Variants in CCDC178 observed in about 807,000 individuals in gnomAD.
CCDC178 encodes coiled-coil domain containing 178.
In CCDC178, 126 loss-of-function variants were observed where a neutral mutation model predicts 117.4. The observed-to-expected ratio is 1.07, with a 90% CI of 0.93 to 1.24. The LOEUF (loss-of-function observed/expected upper bound fraction) is 1.24, where lower values mean the gene tolerates loss of function less well. CCDC178 is among the 50% of genes most tolerant of loss of function. The pLI is 0.00. For missense variants in CCDC178, 1,030 were observed against 986.9 expected (o/e 1.04, Z -0.59); for synonymous variants, 283 against 313.4 (o/e 0.90, Z 1.02).
intron 20 of CCDC178, among the ~76,000 whole-genome samples, chr18:33,145,063 T>C (rs1026993152): frequency 1.1e-4 from 17 of 152,224 alleles, no homozygotes; most frequent in Middle Eastern, 3.2e-3. Context: ...CTTATTTTGA[T>C]GGTCAAGATT....
chr18:33,260,787 T>C (rs1156773018), intron 14 of CCDC178, among the ~76,000 whole-genome samples: 1 of 152,130 alleles, frequency 6.6e-6, no homozygotes, highest in East Asian at 1.9e-4. Context: ...AGACTTTTTT[T>C]TTGTTTTTTT....
At chr18:33,440,330 A>C in intron 1 of CCDC178, 2 of 60,100 alleles carry the variant, frequency 3.3e-5, no homozygotes, top group East Asian at 4.5e-4. Context: ...GGACTGGGGG[A>C]CTGGGGGACT....
At chr18:33,030,439 T>A (rs1223231772) in intron 21 of CCDC178, among the ~76,000 whole-genome samples, 1 of 152,060 alleles carries the variant, frequency 6.6e-6, no homozygotes, top group Non-Finnish European at 1.5e-5. Context: ...GATTAGATTG[T>A]TTAATCCATT....
At chr18:33,285,497 G>C (rs534359247) in intron 12 of CCDC178, among the ~76,000 whole-genome samples, 19 of 152,234 alleles carry the variant, frequency 1.2e-4, no homozygotes, top group African/African-American at 4.6e-4. Flanking sequence ...ATCCTGATAA[G>C]AGCATCTATC....
chr18:33,408,221 T>C (rs1352085049), intron 3 of CCDC178, among the ~76,000 whole-genome samples: 1 of 151,860 alleles, frequency 6.6e-6, no homozygotes, highest in Non-Finnish European at 1.5e-5. Context: ...TATAGAAAAT[T>C]ATAAAGAATG....
intron 7 of CCDC178, among the ~76,000 whole-genome samples, chr18:33,349,300 T>A (rs1299134872): frequency 6.6e-6 from 1 of 151,956 alleles, no homozygotes; most frequent in Non-Finnish European, 1.5e-5. Flanking sequence ...ATAATTTGGA[T>A]GAATGATTTC....
chr18:33,219,622 G>T (rs1322683517), intron 18 of CCDC178, among the ~76,000 whole-genome samples: 1 of 152,128 alleles, frequency 6.6e-6, no homozygotes, highest in East Asian at 1.9e-4. Flanking sequence ...CATGTCCTTT[G>T]TAGGGACATG....
chr18:33,236,067 C>A (rs893358984), intron 15 of CCDC178, among the ~76,000 whole-genome samples: 2 of 152,186 alleles, frequency 1.3e-5, no homozygotes, highest in Non-Finnish European at 2.9e-5. Flanking sequence ...TGGCATTTTA[C>A]AGATGCATTA....
intron 14 of CCDC178, among the ~76,000 whole-genome samples, chr18:33,260,439 T>C (rs1004921984): frequency 8.0e-5 from 12 of 150,780 alleles, no homozygotes; most frequent in African/African-American, 2.4e-4. Flanking sequence ...TTATTTTTGT[T>C]ATTTTATATT....
At chr18:33,302,129 CCT>C (rs1249674298) in intron 11 of CCDC178, among the ~76,000 whole-genome samples, 2 of 152,002 alleles carry the variant, frequency 1.3e-5, no homozygotes, top group African/African-American at 4.8e-5. Context: ...ACACCTCCTC[CCT>C]CTCTCTCTTG....
In CCDC178 at chr18:33,303,369, T is replaced by C. The variant is rs138179790; in HGVS notation, c.1023-10057A>G. Among the ~76,000 whole-genome samples the C allele has an allele frequency of 1.2e-3, 177 of 151,958 alleles. 1 individual carries two copies. Among genetic ancestry groups the C allele is most frequent in the African/African-American group, 4.1e-3 (172 of 41,484 alleles). ...CAAGGAATAAGTAGAGCAAAAAGGATTTTTTTTAAGTAGTACAGTGCAACT... is the reference window on the plus strand; with the variant it reads ...CAAGGAATAAGTAGAGCAAAAAGGACTTTTTTTAAGTAGTACAGTGCAACT... On this transcript the variant is annotated intron_variant, in intron 11 of 22. Coordinates refer to ENST00000383096, the MANE Select transcript of CCDC178 (RefSeq NM_001105528.4).
At chr18:33,302,401 C>A (rs945100025) in intron 11 of CCDC178, among the ~76,000 whole-genome samples, 2 of 152,164 alleles carry the variant, frequency 1.3e-5, no homozygotes, top group Non-Finnish European at 2.9e-5. Context: ...ATAAGGAGCT[C>A]TTCTACACTG....
chr18:33,417,863 C>A (rs1057210687), intron 2 of CCDC178, among the ~76,000 whole-genome samples: 3 of 152,068 alleles, frequency 2.0e-5, no homozygotes, highest in Admixed American at 2.0e-4. Flanking sequence ...AGCCTACCAA[C>A]CAGAAAAAGC....
chr18:32,945,388 C>T (rs1183374745), intron 22 of CCDC178, among the ~76,000 whole-genome samples: 2 of 152,154 alleles, frequency 1.3e-5, no homozygotes, highest in Non-Finnish European at 2.9e-5. Flanking sequence ...TTGCTGATTA[C>T]ATGAAGTTTG....
At chr18:33,395,332 C>T (rs1445926747) in intron 4 of CCDC178, among the ~76,000 whole-genome samples, 2 of 151,748 alleles carry the variant, frequency 1.3e-5, no homozygotes, top group Non-Finnish European at 2.9e-5. Flanking sequence ...GGGCCTATAG[C>T]ACAAAAAATT....
intron 21 of CCDC178, among the ~76,000 whole-genome samples, chr18:33,059,458 C>A (rs537649768): frequency 6.6e-6 from 1 of 152,170 alleles, no homozygotes; most frequent in African/African-American, 2.4e-5. Flanking sequence ...TAGAGGTTTG[C>A]CCTGCAACTT....
intron 3 of CCDC178, among the ~76,000 whole-genome samples, chr18:33,400,079 A>G (rs951987266): frequency 2.2e-4 from 34 of 151,856 alleles, no homozygotes; most frequent in African/African-American, 6.8e-4. Context: ...TGTCAGTGGA[A>G]GTAATATTTT....
At chr18:33,231,586 T>C (rs1230483134) in intron 15 of CCDC178, among the ~76,000 whole-genome samples, 1 of 152,186 alleles carries the variant, frequency 6.6e-6, no homozygotes, top group Non-Finnish European at 1.5e-5. Flanking sequence ...AGTTTTACTT[T>C]TGGAGTAAAG....
In CCDC178 at chr18:33,382,531, C is replaced by G. The variant is rs150371236; in HGVS notation, c.208+7009G>C. On this transcript the variant is annotated intron_variant, in intron 5 of 22. Coordinates refer to ENST00000383096, the MANE Select transcript of CCDC178 (RefSeq NM_001105528.4). ...CTGACTAGGCAGTGGGTGTGACCCACGGACAGTGAGCAGAAGCAGGGTGGA... is the reference window on the plus strand; with the variant it reads ...CTGACTAGGCAGTGGGTGTGACCCAGGGACAGTGAGCAGAAGCAGGGTGGA... Among the ~76,000 whole-genome samples, 401 of 152,268 alleles carry G rather than the reference C, an allele frequency of 2.6e-3. 2 individuals carry two copies. Among genetic ancestry groups the G allele is most frequent in the African/African-American group, 9.2e-3 (383 of 41,560 alleles).
Sources: allele counts gnomAD v4.1 joint callset (sites outside exome capture counted in the v4.1 genomes callset), GRCh38; gene constraint gnomAD v4.1.1; transcripts MANE v1.5; gene names NCBI Gene and HGNC (gene_info 2026-07-23, HGNC 2026-07-21).